The following SYNDIG1L variants were observed in gnomAD, a reference collection of about 807,000 sequenced individuals.
The protein encoded by SYNDIG1L is synapse differentiation inducing 1 like, also known as synapse differentiation-inducing gene protein 1-like.
SYNDIG1L carries 13 observed loss-of-function variants against 20.1 expected under a neutral mutation model. That is an observed-to-expected ratio of 0.65 (90% CI 0.42 to 1.03). SYNDIG1L has a LOEUF of 1.03. Ranked by LOEUF, SYNDIG1L falls within the 50% of genes least tolerant of loss-of-function variation. The pLI, the probability that SYNDIG1L is intolerant of heterozygous loss-of-function variation, is 0.00. For synonymous variants in SYNDIG1L, 128 were observed against 129.3 expected (o/e 0.99, Z 0.07); for missense variants, 294 against 305.1 (o/e 0.96, Z 0.27).
At chr14:74,409,204 G>T in intron 2 of SYNDIG1L, 124 bp downstream of exon 2, 1 of 674,578 alleles carries the variant, frequency 1.5e-6, no homozygotes, top group Non-Finnish European at 2.4e-6. Flanking sequence ...TCAGCCTCCT[G>T]ATTAGCTGGG....
the SYNDIG1L span, among the ~76,000 whole-genome samples, chr14:74,443,611 G>C: frequency 6.6e-6 from 1 of 152,340 alleles, no homozygotes; most frequent in African/African-American, 2.4e-5. Context: ...AGCTGAGTGT[G>C]TTTGCCTTAG....
At chr14:74,454,411 G>A in the SYNDIG1L span, among the ~76,000 whole-genome samples, 16 of 152,238 alleles carry the variant, frequency 1.1e-4, no homozygotes, top group African/African-American at 3.1e-4. Flanking sequence ...GGTCTGTCCC[G>A]CAGACCCTGG....
the SYNDIG1L span, among the ~76,000 whole-genome samples, chr14:74,438,701 G>A: frequency 2.0e-5 from 3 of 152,266 alleles, no homozygotes; most frequent in East Asian, 1.9e-4. Context: ...CCAACCATGA[G>A]CATAGTTGGA....
intron 1 of SYNDIG1L, among the ~76,000 whole-genome samples, chr14:74,425,059 G>C (rs556541872): frequency 3.9e-5 from 6 of 152,174 alleles, no homozygotes; most frequent in Non-Finnish European, 5.9e-5. Flanking sequence ...CAGCCACAAG[G>C]GTAGGCCAAT....
In SYNDIG1L at chr14:74,409,048, TTTTATTTA is replaced by T. The variant is rs10642138; in HGVS notation, c.417+272_417+279del. 7.1e-3 allele frequency among the ~76,000 whole-genome samples: 988 copies of T among 139,806 alleles called. 4 individuals are homozygous for T. Among genetic ancestry groups the T allele is most frequent in the Middle Eastern group, 0.032 (9 of 280 alleles). 91.7% of individuals were successfully genotyped at this position (139,806 alleles called of 152,430 possible). On this transcript the variant is annotated intron_variant, in intron 2 of 3. Transcript: ENST00000331628. ...GGTGATGGGGCTCTGGGAACTTGCA[TTTTATTTA>T]TTTATTTATTTATTTATTTATTTAT...
chr14:74,461,445 C>T, the SYNDIG1L span, among the ~76,000 whole-genome samples: 2 of 152,184 alleles, frequency 1.3e-5, no homozygotes, highest in African/African-American at 4.8e-5. Flanking sequence ...CAGATTTTGT[C>T]CTTTCCTCCT....
intron 1 of SYNDIG1L, among the ~76,000 whole-genome samples, chr14:74,423,207 C>G (rs1049966547): frequency 2.0e-5 from 3 of 152,146 alleles, no homozygotes; most frequent in African/African-American, 4.8e-5. Context: ...TTTCCCCGGT[C>G]AGGAGAGGAG....
At chr14:74,424,709 G>C (rs1263677690) in intron 1 of SYNDIG1L, among the ~76,000 whole-genome samples, 1 of 152,152 alleles carries the variant, frequency 6.6e-6, no homozygotes, top group Non-Finnish European at 1.5e-5. Flanking sequence ...AGAGGGGGTA[G>C]GGGTGACAAT....
the SYNDIG1L span, among the ~76,000 whole-genome samples, chr14:74,455,725 T>C: frequency 6.6e-6 from 1 of 152,150 alleles, no homozygotes; most frequent in Admixed American, 6.5e-5. Context: ...AGCTCCTTCT[T>C]ACCCAATCCG....
At chr14:74,412,865 A>G (rs2086142948) in intron 1 of SYNDIG1L, among the ~76,000 whole-genome samples, 1 of 152,072 alleles carries the variant, frequency 6.6e-6, no homozygotes, top group South Asian at 2.1e-4. Context: ...GCCATAATGT[A>G]TGTCCCTTCA....
intron 1 of SYNDIG1L, among the ~76,000 whole-genome samples, chr14:74,415,359 A>ATT (rs1225578811): frequency 6.6e-6 from 1 of 152,074 alleles, no homozygotes; most frequent in African/African-American, 2.4e-5. Context: ...GGATTGCTGG[A>ATT]TTTTACCCTA....
At chr14:74,464,198 T>C in the SYNDIG1L span, among the ~76,000 whole-genome samples, 4 of 152,138 alleles carry the variant, frequency 2.6e-5, no homozygotes, top group South Asian at 8.3e-4. Context: ...TGTAGGTTGG[T>C]ATTTAGAAGA....
the SYNDIG1L span, among the ~76,000 whole-genome samples, chr14:74,443,818 C>T: frequency 6.6e-6 from 1 of 152,144 alleles, no homozygotes; most frequent in African/African-American, 2.4e-5. Context: ...GAAGGACAGG[C>T]TGGCCAATAA....
Position 74,407,653 on chromosome 14 carries a change from C to A in SYNDIG1L, c.599G>T (p.Ser200Ile), listed in dbSNP as rs1208591039. 6 of 1,612,784 alleles carry A rather than the reference C, an allele frequency of 3.7e-6. No individual in the cohort carries two copies. Among genetic ancestry groups the A allele is most frequent in the Non-Finnish European group, 4.2e-6 (5 of 1,179,398 alleles). Residue 200 changes from serine to isoleucine, a missense_variant, in exon 4 of 4, where the codon AGC (serine) becomes ATC (isoleucine). Physicochemically the swap from Ser to Ile is moderately radical, Grantham distance 142 (BLOSUM62 -2). Coordinates refer to ENST00000331628, the MANE Select transcript of SYNDIG1L (RefSeq NM_001105579.2). The stretch of plus-strand genomic sequence containing the variant: ...GAAGAGGGCCCGGCGGGAGGTGGTG[C>A]TGGCCAGGCGGAAGTCCCCTTTGGA... ...AISKGDFRLA[S>I]TTSRRALFLA...
At chr14:74,437,325 C>T in the SYNDIG1L span, among the ~76,000 whole-genome samples, 4 of 152,186 alleles carry the variant, frequency 2.6e-5, no homozygotes, top group African/African-American at 4.8e-5. Flanking sequence ...CCTCAAGTAC[C>T]TAATGATAAA....
In SYNDIG1L at chr14:74,405,902, T is replaced by C. The variant is rs866911859; in HGVS notation, c.*1633A>G. ...AAGATACCTAGAGGGCACCAGGTGT[T>C]ACAGAAACATTTATTACAAGGATAA... On this transcript the variant is annotated 3_prime_UTR_variant, in exon 4 of 4. Transcript: ENST00000331628. The C allele has an allele frequency of 1.0e-5, 4 of 398,582 alleles. No individual in the cohort carries two copies. The highest frequency in any genetic ancestry group is 6.2e-4 in the Middle Eastern group (1 of 1,610). 24.7% of individuals were successfully genotyped at this position (398,582 alleles called of 1,614,324 possible). A position where few individuals can be genotyped will look rare whatever the true frequency, so the allele number is the denominator to read the frequency against.
the SYNDIG1L span, among the ~76,000 whole-genome samples, chr14:74,440,654 C>G: frequency 5.0e-4 from 76 of 152,026 alleles, no homozygotes; most frequent in Admixed American, 2.8e-3. Context: ...CACTGAACTC[C>G]AGCCTGGGGG....
chr14:74,433,429 G>A, the SYNDIG1L span, among the ~76,000 whole-genome samples: 1 of 151,876 alleles, frequency 6.6e-6, no homozygotes. Context: ...TGTCACCCAG[G>A]CTGGAGTGCA....
intron 1 of SYNDIG1L, among the ~76,000 whole-genome samples, chr14:74,419,232 C>T (rs1351722096): frequency 6.6e-6 from 1 of 152,236 alleles, no homozygotes; most frequent in Non-Finnish European, 1.5e-5. Flanking sequence ...ATGCTCCTTG[C>T]CTCAAAGTGC....
Sources: allele counts gnomAD v4.1 joint callset (sites outside exome capture counted in the v4.1 genomes callset), GRCh38; gene constraint gnomAD v4.1.1; transcripts MANE v1.5; gene names NCBI Gene and HGNC (gene_info 2026-07-23, HGNC 2026-07-21).